Variants in RBFOX1 observed in about 807,000 individuals in gnomAD.
RBFOX1 encodes RNA binding fox-1 homolog 1.
In RBFOX1, 8 loss-of-function variants were observed where a neutral mutation model predicts 57.7. The ratio of observed to expected loss-of-function variants is 0.14; its 90% CI spans 0.08 to 0.25. RBFOX1 has a LOEUF of 0.25. Ranked by LOEUF, RBFOX1 falls within the 10% of genes least tolerant of loss-of-function variation. The pLI, the probability that RBFOX1 is intolerant of heterozygous loss-of-function variation, is 1.00. For missense variants in RBFOX1, 611 were observed against 548.5 expected (o/e 1.11, Z -1.14); for synonymous variants, 326 against 222.4 (o/e 1.47, Z -4.15).
intron 3 of RBFOX1, among the ~76,000 whole-genome samples, chr16:5,751,618 G>T (rs901070703): frequency 6.6e-6 from 1 of 152,222 alleles, no homozygotes; most frequent in Non-Finnish European, 1.5e-5. Flanking sequence ...CTGGAGAGCA[G>T]AACCGCATCA....
chr16:6,385,893 C>T (rs2092235552), intron 2 of RBFOX1, among the ~76,000 whole-genome samples: 1 of 151,750 alleles, frequency 6.6e-6, no homozygotes, highest in South Asian at 2.1e-4. Flanking sequence ...GCTTCCCCAA[C>T]ATTAGTGTGG....
chr16:6,280,837 G>C (rs1333996249), intron 1 of RBFOX1, among the ~76,000 whole-genome samples: 1 of 151,930 alleles, frequency 6.6e-6, no homozygotes, highest in African/African-American at 2.4e-5. Context: ...ACATACTACA[G>C]AGAGTATGTG....
intron 4 of RBFOX1, among the ~76,000 whole-genome samples, chr16:7,138,609 C>T (rs910513949): frequency 6.6e-6 from 1 of 152,122 alleles, no homozygotes; most frequent in South Asian, 2.1e-4. Flanking sequence ...AATGTAACCC[C>T]CCATTATGCA....
Position 6,756,744 on chromosome 16 carries a change from G to T in RBFOX1, c.-16+102094G>T, listed in dbSNP as rs189142835. 1.9e-4 allele frequency among the ~76,000 whole-genome samples: 29 copies of T among 152,252 alleles called. 1 individual carries two copies. In the East Asian group the frequency reaches 5.0e-3, roughly 26 times the overall value. On this transcript the variant is annotated intron_variant, in intron 3 of 15. Coordinates refer to ENST00000550418, the MANE Select transcript of RBFOX1 (RefSeq NM_018723.4). The stretch of plus-strand genomic sequence containing the variant: ...CCCAACACTTTGGGAGGCTGAGGCA[G>T]GGGGGTCATGTGAGGTCAGGAGTTC...
chr16:6,984,934 C>T (rs976552621), intron 3 of RBFOX1, among the ~76,000 whole-genome samples: 1 of 152,132 alleles, frequency 6.6e-6, no homozygotes, highest in Admixed American at 6.5e-5. Flanking sequence ...AGACATTGCA[C>T]CCGGTACCTT....
intron 4 of RBFOX1, among the ~76,000 whole-genome samples, chr16:7,496,568 A>C (rs1471749150): frequency 1.3e-5 from 2 of 152,142 alleles, no homozygotes; most frequent in Non-Finnish European, 2.9e-5. Context: ...CATCATCATC[A>C]TTAATACCAT....
intron 1 of RBFOX1, among the ~76,000 whole-genome samples, chr16:6,146,566 C>T (rs371807076): frequency 2.8e-4 from 42 of 152,196 alleles, no homozygotes; most frequent in African/African-American, 9.9e-4. Context: ...GCTACTGATA[C>T]TGGCATTTTC....
chr16:5,724,523 A>G (rs545350309), intron 3 of RBFOX1, among the ~76,000 whole-genome samples: 2 of 152,246 alleles, frequency 1.3e-5, no homozygotes, highest in African/African-American at 4.8e-5. Context: ...TTACCTACCC[A>G]CTGTGAGAGC....
At chr16:6,607,078 A>T (rs2097943120) in intron 2 of RBFOX1, among the ~76,000 whole-genome samples, 1 of 152,150 alleles carries the variant, frequency 6.6e-6, no homozygotes, top group South Asian at 2.1e-4. Flanking sequence ...AATATACCTG[A>T]GGCTGCTGCC....
At chr16:5,421,112 T>C (rs1567482993) in intron 1 of RBFOX1, among the ~76,000 whole-genome samples, 1 of 151,736 alleles carries the variant, frequency 6.6e-6, no homozygotes, top group Non-Finnish European at 1.5e-5. Context: ...CTTTAAGTGA[T>C]TCTCTCACCT....
chr16:5,426,729 G>T (rs1421624435), intron 1 of RBFOX1, among the ~76,000 whole-genome samples: 4 of 152,152 alleles, frequency 2.6e-5, no homozygotes, highest in Admixed American at 2.0e-4. Context: ...AGGGAAGAGG[G>T]CAGAGAAACT....
At chr16:7,210,834 A>G (rs1383550083) in intron 4 of RBFOX1, among the ~76,000 whole-genome samples, 3 of 152,220 alleles carry the variant, frequency 2.0e-5, no homozygotes, top group African/African-American at 4.8e-5. Flanking sequence ...AATGTACAGT[A>G]TGATGACTCT....
At chr16:6,245,740 G>C (rs1364740982) in intron 1 of RBFOX1, among the ~76,000 whole-genome samples, 1 of 152,144 alleles carries the variant, frequency 6.6e-6, no homozygotes, top group African/African-American at 2.4e-5. Flanking sequence ...AAAGACACCT[G>C]AGAATAACAT....
chr16:6,393,353 A>G (rs2092689035), intron 2 of RBFOX1, among the ~76,000 whole-genome samples: 1 of 152,196 alleles, frequency 6.6e-6, no homozygotes, highest in African/African-American at 2.4e-5. Flanking sequence ...TCACCTGTGG[A>G]GCTTAGCAGT....
intron 3 of RBFOX1, among the ~76,000 whole-genome samples, chr16:5,681,794 G>C (rs2050347949): frequency 6.6e-6 from 1 of 152,120 alleles, no homozygotes; most frequent in Non-Finnish European, 1.5e-5. Context: ...AAGGCCTTGA[G>C]GTGGATTAAG....
At chr16:7,611,692 C>T (rs987572957) in intron 10 of RBFOX1, among the ~76,000 whole-genome samples, 1 of 152,002 alleles carries the variant, frequency 6.6e-6, no homozygotes, top group Admixed American at 6.5e-5. Context: ...AGAGCCATTG[C>T]ACTTAATGAG....
At chr16:6,282,001 T>C (rs1335432784) in intron 1 of RBFOX1, among the ~76,000 whole-genome samples, 1 of 152,120 alleles carries the variant, frequency 6.6e-6, no homozygotes, top group East Asian at 1.9e-4. Context: ...TTGGGCAAAA[T>C]AAAAATGTAC....
At chr16:6,060,040 T>C (rs2095663007) in intron 1 of RBFOX1, among the ~76,000 whole-genome samples, 2 of 151,354 alleles carry the variant, frequency 1.3e-5, no homozygotes, top group South Asian at 4.2e-4. Flanking sequence ...CCACTCTGTT[T>C]GTTGTCTTGG....
intron 3 of RBFOX1, among the ~76,000 whole-genome samples, chr16:5,727,858 TC>T (rs2052212127): frequency 6.6e-6 from 1 of 152,128 alleles, no homozygotes. Context: ...CACTAATATT[TC>T]AGGTTTTTTT....
Sources: gnomAD v4.1 joint callset for allele counts (sites outside exome capture counted in the v4.1 genomes callset) on GRCh38, gnomAD v4.1.1 for gene constraint, MANE v1.5 for transcripts, NCBI Gene and HGNC (gene_info 2026-07-23, HGNC 2026-07-21) for gene names.